Variants in CHD7 observed in about 807,000 individuals in gnomAD.
The protein encoded by CHD7 is chromodomain helicase DNA binding protein 7.
A neutral mutation model predicts 307.3 loss-of-function variants in CHD7; 24 were observed. That is an observed-to-expected ratio of 0.08 (90% CI 0.06 to 0.11). CHD7 has a LOEUF of 0.11. CHD7 is among the 10% of genes least tolerant of loss of function. The probability of loss-of-function intolerance (pLI) is 1.00; values close to 1 mark genes in which losing one functional copy is unlikely to be tolerated. For missense variants in CHD7, 3,106 were observed against 3,727.1 expected, an observed-to-expected ratio of 0.83 and a Z score of 4.34; for synonymous variants, 1,363 against 1,349.9, an observed-to-expected ratio of 1.01 and a Z score of -0.21.
chr8:60,821,959 T>C, intron 10 of CHD7, 32 bp downstream of exon 10: 1 of 1,613,378 alleles, frequency 6.2e-7, no homozygotes, highest in South Asian at 1.1e-5. Flanking sequence ...AGAATTTAAT[T>C]TGAAAATAGC....
chr8:60,737,871 A>T (rs1808787211), intron 1 of CHD7, among the ~76,000 whole-genome samples: 1 of 152,236 alleles, frequency 6.6e-6, no homozygotes, highest in Admixed American at 6.5e-5. Flanking sequence ...TTACAGATAT[A>T]TAAGCTCCAT....
intron 1 of CHD7, among the ~76,000 whole-genome samples, chr8:60,706,464 T>G (rs16926417): frequency 0.012 from 1,876 of 152,316 alleles, 42 homozygotes; most frequent in African/African-American, 0.043. Flanking sequence ...CCTGGAACAA[T>G]GTCTGAACAG....
At chr8:60,805,547 T>A (rs1302150139) in intron 6 of CHD7, among the ~76,000 whole-genome samples, 1 of 152,166 alleles carries the variant, frequency 6.6e-6, no homozygotes, top group Non-Finnish European at 1.5e-5. Context: ...TAGCTGATCA[T>A]GACAAGAAAA....
At chr8:60,756,120 A>G (rs1809878088) in intron 2 of CHD7, among the ~76,000 whole-genome samples, 1 of 152,254 alleles carries the variant, frequency 6.6e-6, no homozygotes, top group Admixed American at 6.5e-5. Flanking sequence ...GGACCACTGA[A>G]GTATAACCAC....
In CHD7 at chr8:60,823,944, A is replaced by C; in HGVS notation, c.3306A>C (p.Val1102=). 1.2e-6 allele frequency: 2 copies of C among 1,613,828 alleles called. No homozygotes were observed. Among genetic ancestry groups the C allele is most frequent in the East Asian group, 2.2e-5 (1 of 44,884 alleles). The change falls in exon 13 of 38, where the codon GTA becomes GTC. Residue 1102 remains valine, a synonymous_variant. Coordinates refer to ENST00000423902, the MANE Select transcript of CHD7 (RefSeq NM_017780.4). ...PELRNIPWRC[V]VIDEAHRLKN... ...TGCGGAATATTCCATGGCGCTGTGTAGTCATTGATGAAGCCCACAGGCTGA... is the reference window on the plus strand; with the variant it reads ...TGCGGAATATTCCATGGCGCTGTGTCGTCATTGATGAAGCCCACAGGCTGA...
At chr8:60,758,324 G>A (rs535626506) in intron 2 of CHD7, among the ~76,000 whole-genome samples, 17 of 152,054 alleles carry the variant, frequency 1.1e-4, no homozygotes, top group Middle Eastern at 3.4e-3. Flanking sequence ...GGGTTTCACC[G>A]TGTTGCCCAG....
At chr8:60,800,019 T>C (rs902691703) in intron 4 of CHD7, among the ~76,000 whole-genome samples, 4 of 152,224 alleles carry the variant, frequency 2.6e-5, no homozygotes, top group Middle Eastern at 3.4e-3. Flanking sequence ...TCTGCGCCAT[T>C]ATAAAGAACA....
chr8:60,712,596 T>C (rs1807335964), intron 1 of CHD7, among the ~76,000 whole-genome samples: 1 of 152,182 alleles, frequency 6.6e-6, no homozygotes, highest in East Asian at 1.9e-4. Flanking sequence ...TAGTATTTTA[T>C]TTTAAAATAC....
chr8:60,841,171 TTC>T (rs1262323088), intron 19 of CHD7, among the ~76,000 whole-genome samples: 2 of 152,224 alleles, frequency 1.3e-5, no homozygotes, highest in African/African-American at 2.4e-5. Context: ...TTGACCTGGC[TTC>T]TCTCTCCCTC....
intron 21 of CHD7, 55 bp from the exon 22 acceptor site, chr8:60,844,809 A>G (rs1805132352): frequency 2.8e-6 from 4 of 1,439,938 alleles, no homozygotes; most frequent in Non-Finnish European, 3.8e-6. Flanking sequence ...ACTTAAAGTA[A>G]AGCCATAAAT....
rs1809101575 is a variant in CHD7, at chr8:60,742,603, G to T, written c.1171G>T (p.Ala391Ser). The stretch of plus-strand genomic sequence containing the variant: ...TCCTTCACAGCCTCAGGGAACTTAT[G>T]CCTCTCCACCTCCCATGTCACCCAT... ...MHPSQPQGTY[A>S]SPPPMSPMKA... The change falls in exon 2 of 38, where the codon GCC (alanine) becomes TCC (serine). Residue 391 changes from alanine (A) to serine (S), a missense_variant. This residue lies in a region of CHD7 where 998 missense variants were observed against 1,004.5 expected (regional missense o/e 0.99). Transcript: ENST00000423902. The T allele has an allele frequency of 6.2e-7, 1 of 1,613,576 alleles. No individual in the cohort carries two copies. The highest frequency in any genetic ancestry group is 1.3e-5 in the African/African-American group (1 of 75,008).
chr8:60,831,769 A>T (rs1804529542), intron 15 of CHD7, among the ~76,000 whole-genome samples: 1 of 152,154 alleles, frequency 6.6e-6, no homozygotes. Flanking sequence ...CAGTGCAATT[A>T]GATTCCTTTC....
chr8:60,687,090 T>A (rs1805941317), intron 1 of CHD7, among the ~76,000 whole-genome samples: 1 of 152,222 alleles, frequency 6.6e-6, no homozygotes, highest in Non-Finnish European at 1.5e-5. Context: ...TATATCAACA[T>A]TTTAGAAATC....
intron 7 of CHD7, among the ~76,000 whole-genome samples, chr8:60,815,461 G>A (rs1803684573): frequency 1.3e-5 from 2 of 152,174 alleles, no homozygotes; most frequent in Non-Finnish European, 2.9e-5. Context: ...GAGGGGCAGG[G>A]AGAGGGTGAT....
chr8:60,854,128 T>C (rs1235184646), intron 31 of CHD7, among the ~76,000 whole-genome samples: 1 of 152,214 alleles, frequency 6.6e-6, no homozygotes, highest in Non-Finnish European at 1.5e-5. Flanking sequence ...GCTAGGTGGC[T>C]AGTGACTAAC....
At chr8:60,790,951 A>T (rs1433599572) in intron 3 of CHD7, among the ~76,000 whole-genome samples, 2 of 152,092 alleles carry the variant, frequency 1.3e-5, no homozygotes, top group Non-Finnish European at 2.9e-5. Flanking sequence ...GGTCTTGCAG[A>T]TGAGTAGGTT....
At chr8:60,862,686 A>G (rs756324541) in intron 37 of CHD7, 34 bp downstream of exon 37, 1 of 1,406,888 alleles carries the variant, frequency 7.1e-7, no homozygotes, top group Non-Finnish European at 9.8e-7. Context: ...CAAGAAAGGT[A>G]GCTATACAAA....
intron 1 of CHD7, among the ~76,000 whole-genome samples, chr8:60,689,949 C>G (rs1806113052): frequency 6.6e-6 from 1 of 152,152 alleles, no homozygotes; most frequent in Non-Finnish European, 1.5e-5. Context: ...CTAGAGTTGC[C>G]TTCGAAAAAA....
intron 1 of CHD7, among the ~76,000 whole-genome samples, chr8:60,702,678 C>T (rs916005166): frequency 6.6e-6 from 1 of 152,314 alleles, no homozygotes; most frequent in East Asian, 1.9e-4. Flanking sequence ...TGCATATATT[C>T]TTAGGGACCA....
Sources: allele counts gnomAD v4.1 joint callset (sites outside exome capture counted in the v4.1 genomes callset), GRCh38; gene constraint gnomAD v4.1.1; regional missense constraint gnomAD v4.1.1; transcripts MANE v1.5; gene names NCBI Gene and HGNC (gene_info 2026-07-23, HGNC 2026-07-21).